KIRREL3: variants seen among roughly 807,000 people sequenced by gnomAD.
The protein encoded by KIRREL3 is kirre like nephrin family adhesion molecule 3.
In KIRREL3, 36 loss-of-function variants were observed where a neutral mutation model predicts 89.7. The observed-to-expected ratio is 0.40, with a 90% CI of 0.31 to 0.53. KIRREL3 has a LOEUF of 0.53. Ranked by LOEUF, KIRREL3 falls within the 20% of genes least tolerant of loss-of-function variation. The probability of loss-of-function intolerance (pLI) is 0.49; values close to 1 mark genes in which losing one functional copy is unlikely to be tolerated. For missense variants in KIRREL3, 864 were observed against 1,056.6 expected (o/e 0.82, Z 2.53); for synonymous variants, 445 against 441.4 (o/e 1.01, Z -0.10).
At chr11:126,850,360 A>G (rs1348995875) in intron 1 of KIRREL3, among the ~76,000 whole-genome samples, 1 of 152,130 alleles carries the variant, frequency 6.6e-6, no homozygotes, top group Non-Finnish European at 1.5e-5. Context: ...GTAGTGGGAG[A>G]GGCTTGCCCT....
Position 126,622,218 on chromosome 11 carries a change from T to C in KIRREL3, c.56-59306A>G, listed in dbSNP as rs1210077344. ...CTTGCTAAATCAGCCAGTAGAGAAC[T>C]TGGTATTCTTAGAGAAAGTTGTTGC... On this transcript the variant is annotated intron_variant, in intron 1 of 16. Coordinates refer to ENST00000525144, the MANE Select transcript of KIRREL3 (RefSeq NM_032531.4). The surrounding 1 kb of genome is among the most constrained non-coding windows in gnomAD (Gnocchi z 5.2). 6.6e-6 allele frequency among the ~76,000 whole-genome samples: 1 copy of C among 152,250 alleles called. No individual in the cohort carries two copies. Among genetic ancestry groups the C allele is most frequent in the Non-Finnish European group, 1.5e-5 (1 of 68,044 alleles).
At position 126,900,900 on chromosome 11, in the gene KIRREL3, G is replaced by A. The variant is rs1046399751; in HGVS notation, c.55+99555C>T. Among the ~76,000 whole-genome samples the A allele has an allele frequency of 4.6e-5, 7 of 151,996 alleles. No homozygotes were observed. The highest frequency in any genetic ancestry group is 1.0e-4 in the Non-Finnish European group (7 of 67,988). ...TGATTTTTTGTATGTAAAACTGTAGGAAAAAAGGGAAAGTTGGAAGGGGAG... is the reference window on the plus strand; with the variant it reads ...TGATTTTTTGTATGTAAAACTGTAGAAAAAAAGGGAAAGTTGGAAGGGGAG... On this transcript the variant is annotated intron_variant, in intron 1 of 16. Transcript: ENST00000525144. This position sits in a 1 kb window ranked among gnomAD's most constrained non-coding sequence, Gnocchi z 4.4.
chr11:126,654,798 T>A (rs1282369232), intron 1 of KIRREL3, among the ~76,000 whole-genome samples: 2 of 152,222 alleles, frequency 1.3e-5, no homozygotes, highest in Non-Finnish European at 2.9e-5. Context: ...ATTATTTTTT[T>A]TTATTTTTTT....
chr11:126,466,386 C>G (rs563903929), intron 5 of KIRREL3, among the ~76,000 whole-genome samples: 3 of 152,228 alleles, frequency 2.0e-5, no homozygotes, highest in Non-Finnish European at 4.4e-5. Context: ...CCCCAGGCCC[C>G]GTGCAGCGGG....
Position 126,611,931 on chromosome 11 carries a change from G to A in KIRREL3, c.56-49019C>T, listed in dbSNP as rs1943147445. Among the ~76,000 whole-genome samples the A allele has an allele frequency of 2.0e-5, 3 of 152,178 alleles. No individual in the cohort carries two copies. In the South Asian group the frequency reaches 6.2e-4, roughly 32 times the overall value. On this transcript the variant is annotated intron_variant, in intron 1 of 16. Coordinates refer to ENST00000525144, the MANE Select transcript of KIRREL3 (RefSeq NM_032531.4). The surrounding 1 kb of genome is among the most constrained non-coding windows in gnomAD (Gnocchi z 4.7). ...CTTCTCTGGTGACTTTGTCCACGTG[G>A]ATCTTCAGTTCCTTCAACATGTGTG...
chr11:126,451,068 T>G lies in KIRREL3; in HGVS notation c.849-1911A>C, dbSNP rs530754595. On this transcript the variant is annotated intron_variant, in intron 7 of 16. Transcript: ENST00000525144. ...GAGCATGTGCATGTGTGCATGCATG[T>G]GCATGTGTGTGCGTGTGTGCATATG... Among the ~76,000 whole-genome samples the G allele has an allele frequency of 5.1e-3, 736 of 145,562 alleles. 7 individuals carry two copies. The highest frequency in any genetic ancestry group is 0.016 in the African/African-American group (660 of 40,794).
Position 126,448,015 on chromosome 11 carries a change from G to A in KIRREL3, c.997+994C>T, listed in dbSNP as rs192141259. 2.0e-4 allele frequency among the ~76,000 whole-genome samples: 30 copies of A among 152,260 alleles called. No homozygotes were observed. The Middle Eastern group carries it at 0.01, about 52-fold the overall frequency. The stretch of plus-strand genomic sequence containing the variant: ...TGAATAAGAGGGGATGGGCAGGTGC[G>A]GTGGCTCATGCCTGTAATCCCAGCA... On this transcript the variant is annotated intron_variant, in intron 8 of 16. Coordinates refer to ENST00000525144, the MANE Select transcript of KIRREL3 (RefSeq NM_032531.4).
rs1186099345 is a variant in KIRREL3 at position 126,555,076 on chromosome 11, T to C, written c.133+7759A>G. On this transcript the variant is annotated intron_variant, in intron 2 of 16. Coordinates refer to ENST00000525144, the MANE Select transcript of KIRREL3 (RefSeq NM_032531.4). This position sits in a 1 kb window ranked among gnomAD's most constrained non-coding sequence, Gnocchi z 4.2. Reference sequence around the variant, plus strand: ...ATCCTCCGCATACACTACCCTTCAATCTGTTCATGTGACCTGATTCTTCCT... The same window carrying C: ...ATCCTCCGCATACACTACCCTTCAACCTGTTCATGTGACCTGATTCTTCCT... Among the ~76,000 whole-genome samples, 7 of 152,162 alleles carry C rather than the reference T, an allele frequency of 4.6e-5. No homozygotes were observed. Among genetic ancestry groups the C allele is most frequent in the Admixed American group, 1.3e-4 (2 of 15,280 alleles).
At chr11:126,884,816 C>A (rs1253139838) in intron 1 of KIRREL3, among the ~76,000 whole-genome samples, 2 of 151,844 alleles carry the variant, frequency 1.3e-5, no homozygotes, top group East Asian at 3.9e-4. Flanking sequence ...AGCATAGCAA[C>A]CATCTTTCAG....
chr11:126,425,756 G>A (rs780098718), intron 15 of KIRREL3, 32 bp from the exon 16 acceptor site: 1 of 1,544,904 alleles, frequency 6.5e-7, no homozygotes, highest in Non-Finnish European at 8.8e-7. Context: ...TCAGTAGATA[G>A]GAGGTGGCTA....
intron 1 of KIRREL3, among the ~76,000 whole-genome samples, chr11:126,602,230 C>G (rs899581798): frequency 2.0e-5 from 3 of 152,162 alleles, no homozygotes; most frequent in Non-Finnish European, 4.4e-5. Flanking sequence ...TGCTCACTGT[C>G]AGAGGTGGCT....
intron 1 of KIRREL3, among the ~76,000 whole-genome samples, chr11:126,728,194 C>A (rs571339684): frequency 6.6e-6 from 1 of 152,124 alleles, no homozygotes; most frequent in South Asian, 2.1e-4. Flanking sequence ...ATAATTGGGA[C>A]ACCAGGAGGG....
At chr11:126,504,544 TAAAG>T (rs1957964083) in intron 4 of KIRREL3, among the ~76,000 whole-genome samples, 1 of 152,154 alleles carries the variant, frequency 6.6e-6, no homozygotes, top group African/African-American at 2.4e-5. Flanking sequence ...AATCTTCCCA[TAAAG>T]AAAGCCCTAG....
At chr11:126,919,872 C>T (rs542300339) in intron 1 of KIRREL3, among the ~76,000 whole-genome samples, 15 of 152,164 alleles carry the variant, frequency 9.9e-5, no homozygotes, top group Admixed American at 2.0e-4. Flanking sequence ...AATAGTGTAA[C>T]TGCACTACTA....
At chr11:126,585,504 AATCACAGGC>A (rs1941792764) in intron 1 of KIRREL3, among the ~76,000 whole-genome samples, 1 of 146,120 alleles carries the variant, frequency 6.8e-6, no homozygotes, top group African/African-American at 2.5e-5. Flanking sequence ...AAAGTGTTGG[AATCACAGGC>A]ATGAGCCACC....
At chr11:126,835,948 A>C (rs936813622) in intron 1 of KIRREL3, among the ~76,000 whole-genome samples, 1 of 152,140 alleles carries the variant, frequency 6.6e-6, no homozygotes, top group African/African-American at 2.4e-5. Context: ...AACTCTGAAC[A>C]CGGAGGTTCA....
intron 1 of KIRREL3, among the ~76,000 whole-genome samples, chr11:126,967,767 T>A (rs1591396677): frequency 6.6e-6 from 1 of 152,212 alleles, no homozygotes; most frequent in African/African-American, 2.4e-5. Context: ...ACTCCCTCCC[T>A]GGGTACACTT....
At chr11:126,774,381 C>T (rs1402870599) in intron 1 of KIRREL3, among the ~76,000 whole-genome samples, 3 of 152,220 alleles carry the variant, frequency 2.0e-5, no homozygotes, top group East Asian at 3.9e-4. Context: ...CTGGTTCCCC[C>T]GTGGCAGGAG....
rs1338384111 is a variant in KIRREL3 at position 126,530,448 on chromosome 11, A to C, written c.134-3761T>G. On this transcript the variant is annotated intron_variant, in intron 2 of 16. Coordinates refer to ENST00000525144, the MANE Select transcript of KIRREL3 (RefSeq NM_032531.4). The surrounding 1 kb of genome is among the most constrained non-coding windows in gnomAD (Gnocchi z 5.8). ...AAAGAAGTGAAATGCAAGTGAGCCC[A>C]AGGTCATTTTCTGCAGCCTCCTGGA... 6.6e-6 allele frequency among the ~76,000 whole-genome samples: 1 copy of C among 152,144 alleles called. No homozygotes were observed. Among genetic ancestry groups the C allele is most frequent in the Admixed American group, 6.5e-5 (1 of 15,270 alleles).
Sources: allele counts gnomAD v4.1 joint callset (sites outside exome capture counted in the v4.1 genomes callset), GRCh38; gene constraint gnomAD v4.1.1; non-coding constraint Gnocchi (gnomAD v3.1); transcripts MANE v1.5; gene names NCBI Gene and HGNC (gene_info 2026-07-23, HGNC 2026-07-21).